The following CEP63 variants were observed in gnomAD, a reference collection of about 807,000 sequenced individuals.
CEP63 encodes centrosomal protein of 63 kDa.
In CEP63, 84 loss-of-function variants were observed where a neutral mutation model predicts 89.1. The ratio of observed to expected loss-of-function variants is 0.94; its 90% CI spans 0.79 to 1.13. CEP63 has a LOEUF of 1.13. CEP63 is among the 50% of genes most tolerant of loss of function. CEP63 has a pLI of 0.00. For synonymous variants in CEP63, 267 were observed against 272.5 expected, an observed-to-expected ratio of 0.98 and a Z score of 0.20; for missense variants, 838 against 813.3, an observed-to-expected ratio of 1.03 and a Z score of -0.37.
chr3:134,601,891 G>C, the CEP63 span, among the ~76,000 whole-genome samples: 2 of 152,230 alleles, frequency 1.3e-5, no homozygotes, highest in Admixed American at 6.5e-5. Context: ...GGCAGGGAAG[G>C]CTGCTGCTGC....
chr3:134,757,237 T>A, the CEP63 span, among the ~76,000 whole-genome samples: 1 of 152,182 alleles, frequency 6.6e-6, no homozygotes, highest in South Asian at 2.1e-4. Context: ...CACCAGGGTT[T>A]GTGGCTGAGC....
chr3:134,644,556 C>A, the CEP63 span, among the ~76,000 whole-genome samples: 1 of 152,360 alleles, frequency 6.6e-6, no homozygotes, highest in South Asian at 2.1e-4. Context: ...GGCCTGCCAT[C>A]TTCTCTCTAT....
At chr3:134,549,494 T>G (rs1296130081) in intron 10 of CEP63, among the ~76,000 whole-genome samples, 1 of 152,232 alleles carries the variant, frequency 6.6e-6, no homozygotes, top group Non-Finnish European at 1.5e-5. Context: ...AAATATGAAC[T>G]GTCACTTAAT....
chr3:134,650,461 C>T, the CEP63 span, among the ~76,000 whole-genome samples: 4 of 152,172 alleles, frequency 2.6e-5, no homozygotes, highest in Admixed American at 2.6e-4. Flanking sequence ...GGGGAGCAGG[C>T]CTCTGCTACC....
the CEP63 span, among the ~76,000 whole-genome samples, chr3:134,637,877 T>C: frequency 1.3e-4 from 20 of 152,178 alleles, no homozygotes; most frequent in African/African-American, 4.6e-4. Flanking sequence ...CAGGGCAGGG[T>C]GTTGAGGTGG....
rs113434305 is a variant in CEP63, at chr3:134,533,052, C to T, written c.441+152C>T. ...AGAGGTGAGAGGGTGATCCACCATA[C>T]ATCCTATCATCATCTAGTTCCCTGG... is the stretch of plus-strand genomic sequence containing the variant. On this transcript the variant is annotated intron_variant, in intron 5 of 14. Coordinates refer to ENST00000675561, the MANE Select transcript of CEP63 (RefSeq NM_001353108.3). 2.1e-3 allele frequency: 1,599 copies of T among 777,512 alleles called. 21 individuals are homozygous for T. In the African/African-American group the frequency reaches 0.024, roughly 12 times the overall value. 48.2% of individuals were successfully genotyped at this position (777,512 alleles called of 1,614,324 possible).
chr3:134,751,924 C>T, the CEP63 span, among the ~76,000 whole-genome samples: 1 of 152,124 alleles, frequency 6.6e-6, no homozygotes, highest in African/African-American at 2.4e-5. Context: ...AAAGACAGAG[C>T]TCATTGGTTT....
At chr3:134,674,943 T>C in the CEP63 span, among the ~76,000 whole-genome samples, 1 of 152,188 alleles carries the variant, frequency 6.6e-6, no homozygotes. Flanking sequence ...TATTCATGGA[T>C]TGAAAGATTT....
At chr3:134,504,003 G>C (rs72972107) in intron 2 of CEP63, among the ~76,000 whole-genome samples, 14 of 152,130 alleles carry the variant, frequency 9.2e-5, no homozygotes, top group African/African-American at 3.4e-4. Flanking sequence ...GTTATAGATA[G>C]GTGAGGACTT....
chr3:134,651,212 A>C, the CEP63 span: 1 of 1,298,558 alleles, frequency 7.7e-7, no homozygotes, highest in Non-Finnish European at 9.9e-7. Context: ...CCCGGGCCCA[A>C]GCCTTGACCT....
At chr3:134,569,421 G>T (rs1406194530), downstream of CEP63, among the ~76,000 whole-genome samples, 1 of 152,246 alleles carries the variant, frequency 6.6e-6, no homozygotes, top group East Asian at 1.9e-4. Context: ...CCAAATGGGA[G>T]AAATTGGCCA....
At chr3:134,744,523 T>C in the CEP63 span, among the ~76,000 whole-genome samples, 8 of 152,092 alleles carry the variant, frequency 5.3e-5, no homozygotes, top group Non-Finnish European at 1.2e-4. Flanking sequence ...CTTCAAAGCA[T>C]AGCATTGGGA....
chr3:134,502,076 A>G (rs528320387), intron 2 of CEP63, among the ~76,000 whole-genome samples: 12 of 152,190 alleles, frequency 7.9e-5, no homozygotes, highest in African/African-American at 1.7e-4. Context: ...TTCTGCGTCT[A>G]TTGAGGTGAT....
chr3:134,627,282 G>A, the CEP63 span, among the ~76,000 whole-genome samples: 2 of 152,076 alleles, frequency 1.3e-5, no homozygotes, highest in South Asian at 2.1e-4. Flanking sequence ...GCTGCACCCC[G>A]CCTTAGATGA....
At chr3:134,565,771 T>C (rs968885530), downstream of CEP63, among the ~76,000 whole-genome samples, 1 of 144,432 alleles carries the variant, frequency 6.9e-6, no homozygotes, top group African/African-American at 2.6e-5. Flanking sequence ...ATGGTGCCCA[T>C]AAGATAAAAA....
At chr3:134,672,475 C>T in the CEP63 span, among the ~76,000 whole-genome samples, 1 of 152,124 alleles carries the variant, frequency 6.6e-6, no homozygotes, top group African/African-American at 2.4e-5. Context: ...TTGCTAAATT[C>T]AAAATTGTCA....
At chr3:134,608,680 A>C in the CEP63 span, 2 of 1,614,026 alleles carry the variant, frequency 1.2e-6, no homozygotes, top group Non-Finnish European at 1.7e-6. Flanking sequence ...CTGGGTGGGC[A>C]CTCAGCATCC....
chr3:134,766,917 A>G, the CEP63 span, among the ~76,000 whole-genome samples: 2 of 152,200 alleles, frequency 1.3e-5, no homozygotes, highest in African/African-American at 4.8e-5. Flanking sequence ...GTTTTTAACA[A>G]CTGGCTTGAG....
At position 134,564,921 on chromosome 3, in the gene CEP63, A is replaced by G. The variant is rs1957682340; in HGVS notation, c.*3386A>G. 2.0e-6 allele frequency: 2 copies of G among 983,792 alleles called. No homozygotes were observed. Among genetic ancestry groups the G allele is most frequent in the African/African-American group, 1.7e-5 (1 of 57,342 alleles). 60.9% of individuals were successfully genotyped at this position (983,792 alleles called of 1,614,324 possible). A position where few individuals can be genotyped will look rare whatever the true frequency, so the allele number is the denominator to read the frequency against. ...ACTGTTTTTTAAAGCTGAAGTATCT[A>G]ATAGTTAATGGGTTGTCCAAATTTG... On this transcript the variant is annotated 3_prime_UTR_variant, in exon 15 of 15. Coordinates refer to ENST00000675561, the MANE Select transcript of CEP63 (RefSeq NM_001353108.3).
Sources: allele counts gnomAD v4.1 joint callset (sites outside exome capture counted in the v4.1 genomes callset), GRCh38; gene constraint gnomAD v4.1.1; transcripts MANE v1.5; gene names NCBI Gene and HGNC (gene_info 2026-07-23, HGNC 2026-07-21).